Variants in TENM3 observed in about 807,000 individuals in gnomAD.
The protein encoded by TENM3 is teneurin-3.
TENM3 carries 63 observed loss-of-function variants against 255.1 expected under a neutral mutation model. The observed-to-expected ratio is 0.25, with a 90% CI of 0.20 to 0.30. The LOEUF is 0.30. TENM3 is among the 10% of genes least tolerant of loss of function. The pLI is 1.00. For synonymous variants in TENM3, 1,306 were observed against 1,322.3 expected (o/e 0.99, Z 0.27); for missense variants, 2,929 against 3,461.1 (o/e 0.85, Z 3.86).
chr4:182,729,060 A>G lies in TENM3; in HGVS notation c.2464A>G (p.Ile822Val), dbSNP rs775005128. ...CRGLPDPQDI[I>V]SQSLQSPSQQ... The stretch of plus-strand genomic sequence containing the variant: ...GGGACTGCCGGATCCTCAGGACATC[A>G]TTAGCCAAAGCCTTCAATCGCCTTC... The change falls in exon 14 of 28, where the codon ATT becomes GTT. Residue 822 changes from isoleucine (I) to valine (V), a missense_variant. Around this residue, in one of 6 missense-constraint regions of TENM3, gnomAD observed 1,608 missense variants for 1,884.4 expected, o/e 0.85. Coordinates refer to ENST00000511685, the MANE Select transcript of TENM3 (RefSeq NM_001080477.4). 10 of 1,614,016 alleles carry G rather than the reference A, an allele frequency of 6.2e-6. No individual in the cohort carries two copies. In the South Asian group the frequency reaches 1.1e-4, roughly 18 times the overall value.
chr4:182,559,919 A>G (rs946488636), intron 3 of TENM3, among the ~76,000 whole-genome samples: 1 of 152,122 alleles, frequency 6.6e-6, no homozygotes. Context: ...ATATAATTGG[A>G]TTGTTTATAA....
At chr4:181,754,865 C>A in the TENM3 span, among the ~76,000 whole-genome samples, 5 of 152,112 alleles carry the variant, frequency 3.3e-5, no homozygotes, top group African/African-American at 1.2e-4. Context: ...AACATGCAAC[C>A]CCCAGAATAC....
At chr4:181,623,378 C>T in the TENM3 span, among the ~76,000 whole-genome samples, 1 of 152,202 alleles carries the variant, frequency 6.6e-6, no homozygotes, top group Non-Finnish European at 1.5e-5. Context: ...AGTGGAGGAA[C>T]AGGCTTACTT....
At chr4:182,775,203 C>G (rs763241390) in intron 24 of TENM3, 50 bp downstream of exon 24, 10 of 1,552,174 alleles carry the variant, frequency 6.4e-6, no homozygotes, top group Non-Finnish European at 8.0e-6. Flanking sequence ...CTGATCTGTG[C>G]AGATCATCCT....
intron 3 of TENM3, among the ~76,000 whole-genome samples, chr4:182,533,860 C>G (rs1740017226): frequency 6.6e-6 from 1 of 151,652 alleles, no homozygotes. Context: ...TTGCAGTGAG[C>G]CAAGATCCAC....
At chr4:182,042,299 C>T in the TENM3 span, among the ~76,000 whole-genome samples, 1 of 152,124 alleles carries the variant, frequency 6.6e-6, no homozygotes, top group African/African-American at 2.4e-5. Context: ...AATTTAAAGC[C>T]TTTGAACCTT....
At chr4:182,057,789 G>T in the TENM3 span, among the ~76,000 whole-genome samples, 1 of 152,014 alleles carries the variant, frequency 6.6e-6, no homozygotes. Context: ...GCACAGTTTG[G>T]CATAAACTTC....
chr4:182,791,051 A>C (rs1476287479), intron 25 of TENM3, among the ~76,000 whole-genome samples: 1 of 152,248 alleles, frequency 6.6e-6, no homozygotes, highest in African/African-American at 2.4e-5. Flanking sequence ...TACTCATAGC[A>C]AAACAAGTAA....
At chr4:182,455,123 C>A (rs1470136579) in intron 3 of TENM3, among the ~76,000 whole-genome samples, 1 of 152,162 alleles carries the variant, frequency 6.6e-6, no homozygotes, top group Non-Finnish European at 1.5e-5. Context: ...CTCAGGGACT[C>A]AAGATCATCA....
chr4:182,577,389 A>G (rs556878862), intron 3 of TENM3, among the ~76,000 whole-genome samples: 2 of 152,344 alleles, frequency 1.3e-5, no homozygotes, highest in South Asian at 2.1e-4. Flanking sequence ...TGTGTTGTAT[A>G]AATTAATGAG....
chr4:181,727,275 T>C, the TENM3 span, among the ~76,000 whole-genome samples: 1 of 152,166 alleles, frequency 6.6e-6, no homozygotes, highest in East Asian at 1.9e-4. Context: ...ATCTAAGAGT[T>C]TTCCAAAAAT....
chr4:182,508,313 TTAAAG>T (rs1012100271), intron 3 of TENM3, among the ~76,000 whole-genome samples: 1 of 152,180 alleles, frequency 6.6e-6, no homozygotes. Context: ...CTTGGTTTCA[TTAAAG>T]TAACTATTCC....
At chr4:182,189,335 T>C (rs955939338) in intron 1 of TENM3, among the ~76,000 whole-genome samples, 2 of 152,158 alleles carry the variant, frequency 1.3e-5, no homozygotes, top group Admixed American at 6.5e-5. Flanking sequence ...TTCCGTGTCA[T>C]ACAAAAAATA....
rs893557152 is a variant in TENM3, at chr4:182,800,594, A to AG, written c.*245dup. ...ACTCAGTCGGACTGAACGTAGCCAG[A>AG]GGAAAAAAAAATCATCAAGGACAAA... On this transcript the variant is annotated 3_prime_UTR_variant, in exon 28 of 28. Coordinates refer to ENST00000511685, the MANE Select transcript of TENM3 (RefSeq NM_001080477.4). The AG allele has an allele frequency of 7.5e-6, 3 of 401,906 alleles. No individual in the cohort carries two copies. Among genetic ancestry groups the AG allele is most frequent in the Non-Finnish European group, 1.3e-5 (3 of 227,804 alleles). The allele number at this position is 401,906 out of a possible 1,614,324, so 24.9% of individuals were successfully genotyped here.
At chr4:182,103,531 A>G in the TENM3 span, among the ~76,000 whole-genome samples, 2 of 152,364 alleles carry the variant, frequency 1.3e-5, no homozygotes, top group East Asian at 3.9e-4. Context: ...GGAACATACA[A>G]TTCATGGCTC....
intron 1 of TENM3, among the ~76,000 whole-genome samples, chr4:182,283,240 C>T (rs1760513697): frequency 6.6e-6 from 1 of 152,112 alleles, no homozygotes; most frequent in Non-Finnish European, 1.5e-5. Flanking sequence ...ATATGATAAA[C>T]CATATCTATT....
chr4:181,464,874 C>T, the TENM3 span, among the ~76,000 whole-genome samples: 2 of 152,036 alleles, frequency 1.3e-5, no homozygotes, highest in African/African-American at 4.8e-5. Flanking sequence ...TGACTTGAAC[C>T]CAGGAGGCAG....
At chr4:181,638,553 T>C in the TENM3 span, among the ~76,000 whole-genome samples, 1 of 152,194 alleles carries the variant, frequency 6.6e-6, no homozygotes, top group Non-Finnish European at 1.5e-5. Context: ...AGTCCAAAGA[T>C]CATTAGTCTG....
intron 3 of TENM3, among the ~76,000 whole-genome samples, chr4:182,594,908 G>A (rs1260560597): frequency 6.6e-6 from 1 of 151,896 alleles, no homozygotes. Context: ...AGTAGAGGTG[G>A]GGTTTCACCA....
Sources: allele counts gnomAD v4.1 joint callset (sites outside exome capture counted in the v4.1 genomes callset), GRCh38; gene constraint gnomAD v4.1.1; regional missense constraint gnomAD v4.1.1; transcripts MANE v1.5; gene names NCBI Gene and HGNC (gene_info 2026-07-23, HGNC 2026-07-21).